The following C1QTNF3 variants were observed in gnomAD, a reference collection of about 807,000 sequenced individuals.
C1QTNF3 encodes complement C1q tumor necrosis factor-related protein 3.
Under a neutral mutation model 32.6 loss-of-function variants are expected in C1QTNF3, and 26 were observed. The ratio of observed to expected loss-of-function variants is 0.80; its 90% CI spans 0.58 to 1.11. The LOEUF (loss-of-function observed/expected upper bound fraction) is 1.11. C1QTNF3 is among the 50% of genes least tolerant of loss of function. C1QTNF3 has a pLI of 0.00. For synonymous variants in C1QTNF3, 155 were observed against 146.0 expected (o/e 1.06, Z -0.44); for missense variants, 362 against 398.2 (o/e 0.91, Z 0.77).
intron 3 of C1QTNF3, among the ~76,000 whole-genome samples, chr5:34,029,317 C>A (rs76365271): frequency 8.0e-6 from 1 of 125,644 alleles, no homozygotes; most frequent in Non-Finnish European, 1.7e-5. Flanking sequence ...TTTTTTTTTT[C>A]TTTATAGAGA....
the C1QTNF3 span, among the ~76,000 whole-genome samples, chr5:34,054,731 T>C: frequency 1.3e-5 from 2 of 149,794 alleles, no homozygotes; most frequent in Non-Finnish European, 3.0e-5. Flanking sequence ...TAAGTGGTGA[T>C]TCTAAACCAA....
At chr5:34,197,611 T>C in the C1QTNF3 span, among the ~76,000 whole-genome samples, 1 of 152,016 alleles carries the variant, frequency 6.6e-6, no homozygotes, top group Non-Finnish European at 1.5e-5. Flanking sequence ...AGGGAAATGA[T>C]GGATTTGGGT....
the C1QTNF3 span, among the ~76,000 whole-genome samples, chr5:34,075,185 A>C: frequency 6.6e-6 from 1 of 151,748 alleles, no homozygotes; most frequent in Non-Finnish European, 1.5e-5. Flanking sequence ...ATTTTGTTAG[A>C]TATGGATATG....
chr5:34,183,854 T>C, the C1QTNF3 span, among the ~76,000 whole-genome samples: 4 of 152,342 alleles, frequency 2.6e-5, no homozygotes, highest in African/African-American at 9.6e-5. Flanking sequence ...ATCTGGGAAA[T>C]AGAGAAAGTA....
At chr5:34,028,103 G>C (rs1053839289) in intron 4 of C1QTNF3, among the ~76,000 whole-genome samples, 1 of 152,102 alleles carries the variant, frequency 6.6e-6, no homozygotes, top group African/African-American at 2.4e-5. Flanking sequence ...CTCCTGAGTA[G>C]CTGGGACTAC....
chr5:34,205,062 CTT>C, the C1QTNF3 span, among the ~76,000 whole-genome samples: 2 of 137,520 alleles, frequency 1.5e-5, no homozygotes, highest in East Asian at 4.2e-4. Flanking sequence ...AGTGCAGTCT[CTT>C]AAGATGAAAG....
chr5:34,214,371 T>C, the C1QTNF3 span, among the ~76,000 whole-genome samples: 4 of 152,000 alleles, frequency 2.6e-5, no homozygotes, highest in South Asian at 8.3e-4. Context: ...TACTGAATCA[T>C]CTTAAAATCT....
At chr5:34,099,211 T>C in the C1QTNF3 span, among the ~76,000 whole-genome samples, 79 of 152,288 alleles carry the variant, frequency 5.2e-4, no homozygotes, top group African/African-American at 1.9e-3. Context: ...TAGACTGTTA[T>C]TAACATTTAA....
At chr5:34,080,431 C>T in the C1QTNF3 span, among the ~76,000 whole-genome samples, 2 of 151,720 alleles carry the variant, frequency 1.3e-5, no homozygotes, top group African/African-American at 4.9e-5. Context: ...TGCTGTTAAA[C>T]ATTTTTAAAT....
chr5:34,037,881 T>C (rs1053431298), intron 1 of C1QTNF3, among the ~76,000 whole-genome samples: 9 of 152,234 alleles, frequency 5.9e-5, no homozygotes, highest in African/African-American at 1.2e-4. Flanking sequence ...TTTCCTGTTA[T>C]GGTTTTGCCA....
chr5:34,103,153 T>C, the C1QTNF3 span, among the ~76,000 whole-genome samples: 9 of 152,262 alleles, frequency 5.9e-5, no homozygotes, highest in East Asian at 9.6e-4. Context: ...AAAAAACATA[T>C]AGGGACAATT....
At chr5:34,033,015 G>T in intron 3 of C1QTNF3, 1 of 317,246 alleles carries the variant, frequency 3.2e-6, no homozygotes, top group Non-Finnish European at 5.7e-6. Flanking sequence ...ATCTTATTTG[G>T]GAAAATAGGA....
the C1QTNF3 span, among the ~76,000 whole-genome samples, chr5:34,079,175 T>C: frequency 6.6e-6 from 1 of 151,542 alleles, no homozygotes; most frequent in Admixed American, 6.6e-5. Context: ...ATATACAAAC[T>C]AGGAGCTAAT....
chr5:34,083,598 A>T, the C1QTNF3 span, among the ~76,000 whole-genome samples: 6 of 151,828 alleles, frequency 4.0e-5, no homozygotes, highest in Admixed American at 6.6e-5. Context: ...AGATTTATGT[A>T]TAAATAGATT....
chr5:34,177,757 G>C, the C1QTNF3 span, among the ~76,000 whole-genome samples: 27 of 151,832 alleles, frequency 1.8e-4, no homozygotes, highest in African/African-American at 6.0e-4. Context: ...AAAGTGCTGG[G>C]ATTACAGGCG....
At chr5:34,141,883 G>A in the C1QTNF3 span, among the ~76,000 whole-genome samples, 3 of 152,172 alleles carry the variant, frequency 2.0e-5, no homozygotes, top group South Asian at 6.2e-4. Flanking sequence ...GCCAACCCAA[G>A]GATCTGGAGA....
At chr5:34,035,063 C>A (rs1298571366) in intron 2 of C1QTNF3, among the ~76,000 whole-genome samples, 1 of 152,120 alleles carries the variant, frequency 6.6e-6, no homozygotes, top group Admixed American at 6.5e-5. Context: ...ATTGAGGAGA[C>A]CTGGGCTACC....
the C1QTNF3 span, among the ~76,000 whole-genome samples, chr5:34,174,566 C>T: frequency 1.3e-5 from 2 of 152,062 alleles, no homozygotes; most frequent in Admixed American, 6.5e-5. Context: ...AAAAGCCTAT[C>T]TTCCCCTATA....
chr5:34,087,558 G>A, the C1QTNF3 span, among the ~76,000 whole-genome samples: 1 of 137,300 alleles, frequency 7.3e-6, no homozygotes, highest in African/African-American at 2.7e-5. Flanking sequence ...ATTTCAGTAA[G>A]AACGCTTTTG....
Sources: allele counts gnomAD v4.1 joint callset (sites outside exome capture counted in the v4.1 genomes callset), GRCh38; gene constraint gnomAD v4.1.1; transcripts MANE v1.5; gene names NCBI Gene and HGNC (gene_info 2026-07-23, HGNC 2026-07-21).